The following GRM3 variants were observed in gnomAD, a reference collection of about 807,000 sequenced individuals.
GRM3 encodes the protein glutamate metabotropic receptor 3.
In GRM3, 26 loss-of-function variants were observed where a neutral mutation model predicts 70.5. The ratio of observed to expected loss-of-function variants is 0.37; its 90% CI spans 0.27 to 0.51. The LOEUF (loss-of-function observed/expected upper bound fraction) is 0.51. Ranked by LOEUF, GRM3 falls within the 20% of genes least tolerant of loss-of-function variation. GRM3 has a pLI of 0.93. For missense variants in GRM3, 859 were observed against 1,123.8 expected (o/e 0.76, Z 3.37); for synonymous variants, 443 against 434.9 (o/e 1.02, Z -0.23).
intron 2 of GRM3, among the ~76,000 whole-genome samples, chr7:86,780,174 C>G (rs1797008568): frequency 6.6e-6 from 1 of 152,078 alleles, no homozygotes; most frequent in Admixed American, 6.5e-5. Flanking sequence ...AATAGTGCCG[C>G]AATAAACATA....
chr7:86,715,720 A>G (rs1226854767), intron 1 of GRM3, among the ~76,000 whole-genome samples: 2 of 152,058 alleles, frequency 1.3e-5, no homozygotes, highest in East Asian at 1.9e-4. Flanking sequence ...ACCTTCAGCC[A>G]TGATTCATAA....
intron 1 of GRM3, among the ~76,000 whole-genome samples, chr7:86,664,609 T>C (rs537408104): frequency 6.6e-6 from 1 of 152,036 alleles, no homozygotes; most frequent in African/African-American, 2.4e-5. Context: ...CCTAGGGATT[T>C]TGTAACAAAG....
chr7:86,831,295 C>G (rs750581114), intron 3 of GRM3, among the ~76,000 whole-genome samples: 1 of 152,056 alleles, frequency 6.6e-6, no homozygotes, highest in Non-Finnish European at 1.5e-5. Context: ...TCATGATAAC[C>G]CACTTTTTCA....
At chr7:86,653,646 G>A (rs1378187625) in intron 1 of GRM3, among the ~76,000 whole-genome samples, 5 of 151,562 alleles carry the variant, frequency 3.3e-5, no homozygotes, top group Admixed American at 1.3e-4. Flanking sequence ...ATTCTTATTC[G>A]GAGACTTCCT....
In GRM3 at chr7:86,644,771, G is replaced by A. The variant is rs148754219; in HGVS notation, c.-242G>A. 9,267 of 1,287,296 alleles carry A rather than the reference G, an allele frequency of 7.2e-3. 50 individuals carry two copies. The highest frequency in any genetic ancestry group is 0.015 in the South Asian group (1,180 of 80,986). The allele number at this position is 1,287,296 out of a possible 1,614,324, so 79.7% of individuals were successfully genotyped here. On this transcript the variant is annotated 5_prime_UTR_variant, in exon 1 of 6. Transcript: ENST00000361669. ...GCCAGTAAGCTACCTCTTTTGTGTC[G>A]GATGAGGAGGACCAACCATGAGCCA...
In GRM3 at chr7:86,715,835, C is replaced by G. The variant is rs151263184; in HGVS notation, c.-140-49171C>G. Reference sequence around the variant, plus strand: ...CAAAGAGAAAATTTCTATCTGTCATCTTGCAATGGCATTTAAACATAAAAG... The same window carrying G: ...CAAAGAGAAAATTTCTATCTGTCATGTTGCAATGGCATTTAAACATAAAAG... On this transcript the variant is annotated intron_variant, in intron 1 of 5. Coordinates refer to ENST00000361669, the MANE Select transcript of GRM3 (RefSeq NM_000840.3). 2.4e-4 allele frequency among the ~76,000 whole-genome samples: 37 copies of G among 152,052 alleles called. 1 individual carries two copies. Among genetic ancestry groups the G allele is most frequent in the African/African-American group, 8.7e-4 (36 of 41,510 alleles).
intron 1 of GRM3, among the ~76,000 whole-genome samples, chr7:86,711,233 A>G (rs1334741160): frequency 1.3e-5 from 2 of 151,976 alleles, no homozygotes; most frequent in East Asian, 3.9e-4. Context: ...TTTGTGATAG[A>G]ACAGTTGCCT....
At chr7:86,818,005 G>A (rs1379728468) in intron 3 of GRM3, among the ~76,000 whole-genome samples, 34 of 151,846 alleles carry the variant, frequency 2.2e-4, no homozygotes, top group East Asian at 3.9e-4. Context: ...TACCTCCTTA[G>A]ACATTATCTT....
intron 1 of GRM3, among the ~76,000 whole-genome samples, chr7:86,701,282 A>G (rs1794941742): frequency 6.6e-6 from 1 of 151,960 alleles, no homozygotes; most frequent in Admixed American, 6.6e-5. Context: ...TAGTCTATTA[A>G]GTAAAATAAA....
intron 1 of GRM3, chr7:86,710,303 T>C (rs1795164780): frequency 6.6e-6 from 1 of 152,080 alleles, no homozygotes; most frequent in Middle Eastern, 3.4e-3. Flanking sequence ...ATTTCAACTC[T>C]AGAATTCTTA....
At chr7:86,842,120 A>G (rs1005534232) in intron 4 of GRM3, among the ~76,000 whole-genome samples, 6 of 152,188 alleles carry the variant, frequency 3.9e-5, no homozygotes, top group Non-Finnish European at 7.4e-5. Flanking sequence ...AGCCTCAGAG[A>G]TTCTGATTTA....
intron 1 of GRM3, among the ~76,000 whole-genome samples, chr7:86,739,124 C>T (rs977424010): frequency 2.0e-5 from 3 of 152,090 alleles, no homozygotes; most frequent in African/African-American, 7.2e-5. Flanking sequence ...ACTACAGGCA[C>T]CGCCATTATG....
Position 86,786,428 on chromosome 7 carries a change from C to G in GRM3, c.636C>G (p.Tyr212Ter). ...AEILRFFNWT[Y>*]VSTVASEGDY... ...TCTTGCGCTTCTTCAACTGGACCTA[C>G]GTGTCCACAGTAGCCTCCGAGGGTG... Residue 212 changes from tyrosine (Y) to a stop codon, truncating the protein, a stop_gained, in exon 3 of 6, where the codon TAC becomes TAG. Transcript: ENST00000361669. LOFTEE classifies it high-confidence loss of function. This position sits in a 1 kb window ranked among gnomAD's most constrained non-coding sequence, Gnocchi z 6.0. 1 of 1,614,120 alleles carries G rather than the reference C, an allele frequency of 6.2e-7. No homozygotes were observed. Among genetic ancestry groups the G allele is most frequent in the South Asian group, 1.1e-5 (1 of 91,082 alleles).
chr7:86,698,546 CATT>C (rs1004701557), intron 1 of GRM3, among the ~76,000 whole-genome samples: 1 of 139,686 alleles, frequency 7.2e-6, no homozygotes, highest in East Asian at 2.0e-4. Flanking sequence ...ATAAAATACA[CATT>C]ATTATTATAT....
At chr7:86,803,094 A>G (rs569926972) in intron 3 of GRM3, among the ~76,000 whole-genome samples, 1 of 152,208 alleles carries the variant, frequency 6.6e-6, no homozygotes, top group Non-Finnish European at 1.5e-5. Flanking sequence ...TGATTTCTCA[A>G]TTGTAATAAA....
chr7:86,688,079 C>T (rs962603016), intron 1 of GRM3, among the ~76,000 whole-genome samples: 12 of 151,520 alleles, frequency 7.9e-5, no homozygotes, highest in African/African-American at 2.9e-4. Context: ...AAAAAATCTG[C>T]ATTTCACTCT....
At position 86,644,364 on chromosome 7, in the gene GRM3, A is replaced by AG. The variant is rs1337008839; in HGVS notation, c.-647dup. ...AGAATGAAAAGGAGAGGATGCCAGG[A>AG]GGTCCGTGCTTCTGCCAAGAGTCCC... On this transcript the variant is annotated 5_prime_UTR_variant, in exon 1 of 6. An upstream open reading frame in the 5' UTR loses its in-frame stop. Coordinates refer to ENST00000361669, the MANE Select transcript of GRM3 (RefSeq NM_000840.3). 1 of 293,406 alleles carries AG rather than the reference A, an allele frequency of 3.4e-6. No homozygotes were observed. Among genetic ancestry groups the AG allele is most frequent in the African/African-American group, 2.3e-5 (1 of 44,234 alleles). 18.2% of individuals were successfully genotyped at this position (293,406 alleles called of 1,614,324 possible).
rs749456155 is a variant in GRM3 at position 86,785,685 on chromosome 7, A to ATTTTTTTTTTTTTTTTTTTTTTTTTT, written c.469-568_469-543dup. On this transcript the variant is annotated intron_variant, in intron 2 of 5. Transcript: ENST00000361669. ...TTGGGTGGTGGACTAAATAGAATTG[A>ATTTTTTTTTTTTTTTTTTTTTTTTTT]TTTTTTTTTTTTTTTTTTTTTTTTT... 6.1e-5 allele frequency among the ~76,000 whole-genome samples: 4 copies of ATTTTTTTTTTTTTTTTTTTTTTTTTT among 65,232 alleles called. 1 individual carries two copies. Among genetic ancestry groups the ATTTTTTTTTTTTTTTTTTTTTTTTTT allele is most frequent in the Admixed American group, 2.4e-4 (1 of 4,232 alleles). 42.8% of individuals were successfully genotyped at this position (65,232 alleles called of 152,430 possible). A position where few individuals can be genotyped will look rare whatever the true frequency, so the allele number is the denominator to read the frequency against.
rs559033102 is a variant in GRM3, at chr7:86,761,927, G to A, written c.-140-3079G>A. 2.0e-5 allele frequency among the ~76,000 whole-genome samples: 3 copies of A among 152,208 alleles called. No individual in the cohort carries two copies. In the South Asian group the frequency reaches 6.2e-4, roughly 32 times the overall value. On this transcript the variant is annotated intron_variant, in intron 1 of 5. Transcript: ENST00000361669. ...GAATTAAGCTTTCTATAGACTATAA[G>A]GTAATCTTTATTTGAGTAGCCAAAC...
Sources: allele counts gnomAD v4.1 joint callset (sites outside exome capture counted in the v4.1 genomes callset), GRCh38; gene constraint gnomAD v4.1.1; non-coding constraint Gnocchi (gnomAD v3.1); transcripts MANE v1.5; gene names NCBI Gene and HGNC (gene_info 2026-07-23, HGNC 2026-07-21).